MAP4: variants seen among roughly 807,000 people sequenced by gnomAD.
The protein encoded by MAP4 is microtubule-associated protein 4.
MAP4 carries 76 observed loss-of-function variants against 170.2 expected under a neutral mutation model. The observed-to-expected ratio is 0.45, with a 90% confidence interval of 0.37 to 0.54. MAP4 has a LOEUF of 0.54. Among genes scored for constraint, MAP4 ranks in the 20% least tolerant of loss-of-function variants. MAP4 has a pLI of 0.00. For missense variants in MAP4, 2,506 were observed against 2,748.0 expected, an observed-to-expected ratio of 0.91 and a Z score of 1.97; for synonymous variants, 909 against 994.5, an observed-to-expected ratio of 0.91 and a Z score of 1.62.
At chr3:47,895,843 C>A (rs774413616) in intron 10 of MAP4, among the ~76,000 whole-genome samples, 4 of 152,190 alleles carry the variant, frequency 2.6e-5, no homozygotes, top group Non-Finnish European at 4.4e-5. Context: ...GCTAGTCAGG[C>A]ACAAAGAAGT....
chr3:48,038,225 C>G (rs558350145), intron 1 of MAP4, among the ~76,000 whole-genome samples: 49 of 150,724 alleles, frequency 3.3e-4, no homozygotes, highest in Non-Finnish European at 5.8e-4. Flanking sequence ...TTTGGATGCT[C>G]ACCCAGCACC....
intron 3 of MAP4, among the ~76,000 whole-genome samples, chr3:47,938,424 G>A (rs377228608): frequency 4.7e-4 from 71 of 152,240 alleles, no homozygotes; most frequent in African/African-American, 1.7e-3. Flanking sequence ...CTGTCTCCCA[G>A]GTATAGTGGC....
chr3:48,044,529 G>A lies in MAP4; in HGVS notation c.-20+44244C>T, dbSNP rs185296857. ...CCTGTAATCCCAGCACTGGGAGGCC[G>A]AGGTGGGCAGATCACTTGAGGTCAG... On this transcript the variant is annotated intron_variant, in intron 1 of 18. Transcript: ENST00000360240. Among the ~76,000 whole-genome samples the A allele has an allele frequency of 7.2e-5, 11 of 151,766 alleles. No individual in the cohort carries two copies. The East Asian group carries it at 8.1e-4, about 11-fold the overall frequency.
At chr3:47,967,073 A>C (rs2100075556) in intron 3 of MAP4, among the ~76,000 whole-genome samples, 1 of 152,262 alleles carries the variant, frequency 6.6e-6, no homozygotes, top group Non-Finnish European at 1.5e-5. Flanking sequence ...GCAGTGGCTC[A>C]TGCCTGTAAT....
intron 17 of MAP4, among the ~76,000 whole-genome samples, chr3:47,862,779 A>G (rs2069883821): frequency 6.6e-6 from 1 of 152,130 alleles, no homozygotes; most frequent in South Asian, 2.1e-4. Context: ...GCCCAGCTAT[A>G]TGCTGAAGTA....
intron 10 of MAP4, among the ~76,000 whole-genome samples, chr3:47,884,018 T>C (rs2097190918): frequency 6.6e-6 from 1 of 152,246 alleles, no homozygotes; most frequent in Non-Finnish European, 1.5e-5. Flanking sequence ...CTTGAATCTG[T>C]AAGTTTTGTC....
At chr3:47,980,213 T>G (rs1299254987) in intron 2 of MAP4, among the ~76,000 whole-genome samples, 1 of 152,156 alleles carries the variant, frequency 6.6e-6, no homozygotes, top group African/African-American at 2.4e-5. Flanking sequence ...GGATCTTATA[T>G]GCAATTGCAT....
chr3:47,888,094 T>C (rs563666943), intron 10 of MAP4, among the ~76,000 whole-genome samples: 2 of 152,286 alleles, frequency 1.3e-5, no homozygotes, highest in Non-Finnish European at 2.9e-5. Flanking sequence ...CCTTGGAGAA[T>C]CTGTGTGTCG....
chr3:48,021,185 G>C (rs1461631175), upstream of MAP4, among the ~76,000 whole-genome samples: 1 of 152,084 alleles, frequency 6.6e-6, no homozygotes, highest in Admixed American at 6.5e-5. Context: ...AGGTGTTTTA[G>C]AATCAGTTTA....
intron 17 of MAP4, 52 bp from the exon 18 acceptor site, chr3:47,857,564 G>A (rs2058679838): frequency 8.1e-7 from 1 of 1,230,408 alleles, no homozygotes; most frequent in Non-Finnish European, 1.2e-6. Flanking sequence ...TACTGTCAGA[G>A]CCAACCCCAT....
At position 47,978,442 on chromosome 3, in the gene MAP4, C is replaced by T. The variant is rs570770295; in HGVS notation, c.224-509G>A. 4.6e-5 allele frequency among the ~76,000 whole-genome samples: 7 copies of T among 152,152 alleles called. No homozygotes were observed. The East Asian group carries it at 7.7e-4, about 17-fold the overall frequency. On this transcript the variant is annotated intron_variant, in intron 2 of 20. Coordinates refer to ENST00000683076, the MANE Select transcript of MAP4 (RefSeq NM_001385682.1). ...GAGTGATTCTCCTGCCTCAGCCTCC[C>T]GAGTAGTTGGGATTGCAGGCACCCG... is the stretch of plus-strand genomic sequence containing the variant.
intron 9 of MAP4, among the ~76,000 whole-genome samples, chr3:47,904,667 A>AGGGGC (rs1329354543): frequency 1.3e-4 from 1 of 7,528 alleles, no homozygotes; most frequent in African/African-American, 6.3e-4. Flanking sequence ...GGGGCTAGAG[A>AGGGGC]GGGGCGGGGC....
At chr3:47,973,954 T>C in intron 3 of MAP4, 7 of 985,450 alleles carry the variant, frequency 7.1e-6, no homozygotes, top group Non-Finnish European at 8.4e-6. Flanking sequence ...CTCAAGTGTC[T>C]TCTGTCCAGA....
At chr3:48,052,116 A>ACC (rs1167425949) in intron 1 of MAP4, among the ~76,000 whole-genome samples, 1 of 152,186 alleles carries the variant, frequency 6.6e-6, no homozygotes, top group East Asian at 1.9e-4. Flanking sequence ...TCACAACTCT[A>ACC]CCCCTACGCC....
chr3:48,072,091 C>G (rs566483818), intron 1 of MAP4, among the ~76,000 whole-genome samples: 13 of 151,596 alleles, frequency 8.6e-5, no homozygotes, highest in African/African-American at 3.2e-4. Context: ...CCCAGCTACT[C>G]GGGAGGCTGA....
chr3:47,883,175 T>C (rs964839746), intron 10 of MAP4, among the ~76,000 whole-genome samples: 2 of 152,186 alleles, frequency 1.3e-5, no homozygotes, highest in East Asian at 3.8e-4. Flanking sequence ...CATTACAATT[T>C]GTGCTTCAAA....
intron 1 of MAP4, among the ~76,000 whole-genome samples, chr3:48,015,542 A>C (rs2100107387): frequency 6.6e-6 from 1 of 152,178 alleles, no homozygotes; most frequent in Non-Finnish European, 1.5e-5. Context: ...CCTGCTTCAT[A>C]ATAATTTAAT....
chr3:48,074,726 G>GT (rs1003251844), intron 1 of MAP4, among the ~76,000 whole-genome samples: 4 of 147,552 alleles, frequency 2.7e-5, no homozygotes, highest in African/African-American at 7.5e-5. Context: ...GTGTGTGTGT[G>GT]ATATGTCGGC....
At chr3:47,869,414 A>C (rs2086878021) in intron 15 of MAP4, 87 bp from the exon 16 acceptor site, 1 of 886,918 alleles carries the variant, frequency 1.1e-6, no homozygotes, top group East Asian at 2.4e-5. Context: ...TAGGGGACTC[A>C]AATCCAGGTC....
Sources: gnomAD v4.1 joint callset for allele counts (sites outside exome capture counted in the v4.1 genomes callset) on GRCh38, gnomAD v4.1.1 for gene constraint, MANE v1.5 for transcripts, NCBI Gene and HGNC (gene_info 2026-07-23, HGNC 2026-07-21) for gene names.